NIPAL2: variants seen among roughly 807,000 people sequenced by gnomAD.
NIPAL2 encodes the protein NIPA like domain containing 2.
A neutral mutation model predicts 48.9 loss-of-function variants in NIPAL2; 43 were observed. The observed-to-expected ratio is 0.88, with a 90% confidence interval of 0.69 to 1.13. The LOEUF (loss-of-function observed/expected upper bound fraction) is 1.13. Among genes scored for constraint, NIPAL2 ranks in the 50% most tolerant of loss-of-function variants. The pLI is 0.00. For synonymous variants in NIPAL2, 167 were observed against 174.6 expected (o/e 0.96, Z 0.34); for missense variants, 446 against 461.4 (o/e 0.97, Z 0.31).
chr8:98,258,491 G>T (rs1001735981), intron 1 of NIPAL2, among the ~76,000 whole-genome samples: 1 of 152,144 alleles, frequency 6.6e-6, no homozygotes, highest in Admixed American at 6.5e-5. Flanking sequence ...CTGGCCCAGG[G>T]TCAACAGTGT....
At chr8:98,277,365 C>G (rs1199205044) in intron 1 of NIPAL2, among the ~76,000 whole-genome samples, 1 of 151,972 alleles carries the variant, frequency 6.6e-6, no homozygotes, top group Non-Finnish European at 1.5e-5. Flanking sequence ...TCTGTCTCTA[C>G]TATTAATAAA....
At chr8:98,216,566 G>A (rs534871831) in intron 5 of NIPAL2, among the ~76,000 whole-genome samples, 1 of 152,332 alleles carries the variant, frequency 6.6e-6, no homozygotes, top group Non-Finnish European at 1.5e-5. Context: ...GGTGGGTTTT[G>A]TTGCAGCTTT....
chr8:98,222,939 T>G (rs1811980040), intron 4 of NIPAL2, among the ~76,000 whole-genome samples: 1 of 152,232 alleles, frequency 6.6e-6, no homozygotes, highest in African/African-American at 2.4e-5. Context: ...CTAAGCTGAC[T>G]GTTTCCTCAT....
At chr8:98,221,896 A>T (rs1173990982) in intron 5 of NIPAL2, among the ~76,000 whole-genome samples, 1 of 152,222 alleles carries the variant, frequency 6.6e-6, no homozygotes, top group Non-Finnish European at 1.5e-5. Context: ...AGGATCTAGA[A>T]CTAGAAATAC....
rs1810516472 is a variant in NIPAL2 at position 98,195,841 on chromosome 8, T to G, written c.944+101A>C. On this transcript the variant is annotated intron_variant, in intron 9 of 10. Coordinates refer to ENST00000430223, the MANE Select transcript of NIPAL2 (RefSeq NM_001321635.2). ...TAGGAGCTCAGGAAACTGATGTTTC[T>G]TATATTATTTTCCAATTTTCTATAC... 6 of 750,198 alleles carry G rather than the reference T, an allele frequency of 8.0e-6. No individual in the cohort carries two copies. In the South Asian group the frequency reaches 1.0e-4, roughly 13 times the overall value. 46.5% of individuals were successfully genotyped at this position (750,198 alleles called of 1,614,324 possible). A position where few individuals can be genotyped will look rare whatever the true frequency, so the allele number is the denominator to read the frequency against.
chr8:98,273,385 G>C (rs577337800), intron 1 of NIPAL2, among the ~76,000 whole-genome samples: 37 of 152,186 alleles, frequency 2.4e-4, no homozygotes, highest in African/African-American at 8.4e-4. Flanking sequence ...GGGGATGACA[G>C]CTAAAGGGTG....
chr8:98,254,709 C>T (rs1394001102), intron 1 of NIPAL2, among the ~76,000 whole-genome samples: 2 of 152,232 alleles, frequency 1.3e-5, no homozygotes, highest in Non-Finnish European at 2.9e-5. Flanking sequence ...CAATAAACTG[C>T]TATACCAGCT....
intron 5 of NIPAL2, 41 bp from the exon 6 acceptor site, chr8:98,212,542 CAA>C: frequency 3.0e-6 from 3 of 989,378 alleles, no homozygotes; most frequent in Non-Finnish European, 3.2e-6. Context: ...TTATTCTATG[CAA>C]AGTCTTCAAA....
chr8:98,253,393 A>G (rs74670024), intron 2 of NIPAL2, among the ~76,000 whole-genome samples: 3,871 of 152,240 alleles, frequency 0.025, 82 homozygotes, highest in Non-Finnish European at 0.042. Context: ...AGACTGCACT[A>G]ATTTGATTCT....
intron 3 of NIPAL2, among the ~76,000 whole-genome samples, chr8:98,242,359 A>T (rs1379281965): frequency 1.3e-5 from 2 of 150,834 alleles, no homozygotes; most frequent in Admixed American, 1.3e-4. Context: ...CTAGTTTTTA[A>T]TTTTTTTTGT....
intron 5 of NIPAL2, among the ~76,000 whole-genome samples, chr8:98,221,820 A>G (rs1811901858): frequency 6.6e-6 from 1 of 152,236 alleles, no homozygotes; most frequent in Non-Finnish European, 1.5e-5. Flanking sequence ...GTGGAGAAAC[A>G]GGAACACTGT....
intron 1 of NIPAL2, among the ~76,000 whole-genome samples, chr8:98,291,579 G>A (rs191952584): frequency 1.4e-3 from 212 of 152,320 alleles, no homozygotes; most frequent in Non-Finnish European, 2.1e-3. Context: ...TTCACAGAAG[G>A]AAGAGTTTGG....
At chr8:98,240,682 A>C (rs1221113537) in intron 3 of NIPAL2, among the ~76,000 whole-genome samples, 1 of 152,234 alleles carries the variant, frequency 6.6e-6, no homozygotes, top group African/African-American at 2.4e-5. Flanking sequence ...TGGAAAGGCT[A>C]AGGCTGATTC....
chr8:98,233,876 G>A (rs1316442293), intron 4 of NIPAL2, among the ~76,000 whole-genome samples: 1 of 152,052 alleles, frequency 6.6e-6, no homozygotes, highest in African/African-American at 2.4e-5. Context: ...TATTCCCTCT[G>A]TATGTCCTCC....
At chr8:98,264,563 C>T (rs1198009955) in intron 1 of NIPAL2, among the ~76,000 whole-genome samples, 2 of 150,942 alleles carry the variant, frequency 1.3e-5, no homozygotes, top group Non-Finnish European at 3.0e-5. Flanking sequence ...CCTAGGAATC[C>T]AACTTACAAG....
intron 1 of NIPAL2, among the ~76,000 whole-genome samples, chr8:98,256,621 T>C (rs562163648): frequency 1.5e-4 from 16 of 107,076 alleles, no homozygotes; most frequent in Admixed American, 3.4e-4. Flanking sequence ...TCCAGTAGGA[T>C]GGCTATAATT....
At chr8:98,213,376 A>G (rs2130728501) in intron 5 of NIPAL2, among the ~76,000 whole-genome samples, 2 of 152,196 alleles carry the variant, frequency 1.3e-5, no homozygotes, top group Middle Eastern at 3.4e-3. Context: ...GCTTTTTTTC[A>G]CCATGTATTA....
chr8:98,204,042 G>A (rs74531114), intron 7 of NIPAL2, among the ~76,000 whole-genome samples: 1 of 152,138 alleles, frequency 6.6e-6, no homozygotes, highest in Admixed American at 6.5e-5. Flanking sequence ...GTCGTACAGT[G>A]TGATGGGTGC....
chr8:98,278,090 T>C (rs982908919), intron 1 of NIPAL2, among the ~76,000 whole-genome samples: 1 of 152,192 alleles, frequency 6.6e-6, no homozygotes, highest in South Asian at 2.1e-4. Flanking sequence ...CTCAGCACTT[T>C]GATGTTATTA....
Sources: allele counts gnomAD v4.1 joint callset (sites outside exome capture counted in the v4.1 genomes callset), GRCh38; gene constraint gnomAD v4.1.1; transcripts MANE v1.5; gene names NCBI Gene and HGNC (gene_info 2026-07-23, HGNC 2026-07-21).